The following LAPTM4B variants were observed in gnomAD, a reference collection of about 807,000 sequenced individuals.
LAPTM4B encodes the protein lysosomal protein transmembrane 4 beta, also known as lysosomal-associated transmembrane protein 4B.
LAPTM4B carries 26 observed loss-of-function variants against 28.5 expected under a neutral mutation model. The ratio of observed to expected loss-of-function variants is 0.91; its 90% CI spans 0.67 to 1.27. The LOEUF is 1.27. Ranked by LOEUF, LAPTM4B falls within the 50% of genes most tolerant of loss-of-function variation. The pLI is 0.00. For missense variants in LAPTM4B, 288 were observed against 285.8 expected (o/e 1.01, Z -0.06); for synonymous variants, 109 against 106.4 (o/e 1.02, Z -0.15).
intron 5 of LAPTM4B, among the ~76,000 whole-genome samples, chr8:97,823,479 AT>A (rs1207315671): frequency 6.6e-6 from 1 of 150,512 alleles, no homozygotes; most frequent in East Asian, 2.0e-4. Flanking sequence ...GGTTCACTTG[AT>A]TCTCCTGCCT....
At chr8:97,828,178 T>C (rs568506675) in intron 6 of LAPTM4B, among the ~76,000 whole-genome samples, 1 of 152,222 alleles carries the variant, frequency 6.6e-6, no homozygotes, top group Admixed American at 6.5e-5. Context: ...TAGTGAAGTA[T>C]GGAGAAAATT....
chr8:97,823,045 G>A (rs150331757), intron 5 of LAPTM4B, among the ~76,000 whole-genome samples: 2,491 of 152,082 alleles, frequency 0.016, 35 homozygotes, highest in Non-Finnish European at 0.026. Flanking sequence ...GTTTCATCGC[G>A]TTAGCCAGGG....
chr8:97,825,396 A>G (rs150653297), intron 6 of LAPTM4B, among the ~76,000 whole-genome samples: 156 of 152,350 alleles, frequency 1.0e-3, no homozygotes, highest in African/African-American at 3.1e-3. Flanking sequence ...TTTAAAATGT[A>G]TTACAGATAG....
intron 2 of LAPTM4B, among the ~76,000 whole-genome samples, chr8:97,813,246 G>A (rs1373476152): frequency 1.3e-5 from 2 of 152,250 alleles, no homozygotes; most frequent in African/African-American, 4.8e-5. Context: ...GCCAAAGGCC[G>A]GAGAGCCCCT....
intron 6 of LAPTM4B, among the ~76,000 whole-genome samples, chr8:97,842,254 A>T (rs1161414133): frequency 6.6e-6 from 1 of 152,078 alleles, no homozygotes; most frequent in Non-Finnish European, 1.5e-5. Flanking sequence ...TTTTCCTTCA[A>T]CCATGAAATG....
intron 6 of LAPTM4B, among the ~76,000 whole-genome samples, chr8:97,842,966 C>T (rs577406625): frequency 6.6e-6 from 1 of 151,648 alleles, no homozygotes; most frequent in Non-Finnish European, 1.5e-5. Flanking sequence ...GCAACCTCCA[C>T]CTCCTGGGTT....
rs554058157 is a variant in LAPTM4B at position 97,834,144 on chromosome 8, G to GA, written c.603+9005dup. ...ACATAGTGAGACCCCTGTCTCTACA[G>GA]AAAAAAAAAAAAAATCCAGGTGGCA... On this transcript the variant is annotated intron_variant, in intron 6 of 6. Transcript: ENST00000521545. Among the ~76,000 whole-genome samples the GA allele has an allele frequency of 9.8e-3, 738 of 75,256 alleles. 65 individuals carry two copies. The highest frequency in any genetic ancestry group is 0.022 in the African/African-American group (520 of 23,746). The allele number at this position is 75,256 out of a possible 152,430, so 49.4% of individuals were successfully genotyped here.
intron 6 of LAPTM4B, among the ~76,000 whole-genome samples, chr8:97,849,810 C>CCCTGCCCG (rs376821609): frequency 1.3e-5 from 2 of 151,934 alleles, no homozygotes; most frequent in Non-Finnish European, 2.9e-5. Flanking sequence ...TCCTCCACCC[C>CCCTGCCCG]CCTGCCCGCC....
intron 5 of LAPTM4B, among the ~76,000 whole-genome samples, chr8:97,821,566 T>G (rs1817003803): frequency 7.9e-6 from 1 of 127,262 alleles, no homozygotes; most frequent in Admixed American, 7.1e-5. Flanking sequence ...GGTGAGGACG[T>G]GAGGATAGAA....
At chr8:97,840,804 G>A (rs1817335697) in intron 6 of LAPTM4B, among the ~76,000 whole-genome samples, 1 of 143,608 alleles carries the variant, frequency 7.0e-6, no homozygotes, top group South Asian at 2.1e-4. Flanking sequence ...GGGCGGCCGG[G>A]CAGAGGCGCT....
chr8:97,831,444 G>T (rs144340397), intron 6 of LAPTM4B, among the ~76,000 whole-genome samples: 2 of 152,280 alleles, frequency 1.3e-5, no homozygotes, highest in East Asian at 3.9e-4. Flanking sequence ...GGAAAGGGAG[G>T]GGATTTTAGG....
chr8:97,808,414 C>T (rs1033261644), intron 2 of LAPTM4B, among the ~76,000 whole-genome samples: 29 of 151,830 alleles, frequency 1.9e-4, no homozygotes, highest in African/African-American at 6.5e-4. Context: ...CGCCATTGCA[C>T]TCTAGCCTGG....
intron 1 of LAPTM4B, among the ~76,000 whole-genome samples, chr8:97,802,576 C>T (rs7815706): frequency 0.44 from 67,472 of 151,862 alleles, 15,473 homozygotes; most frequent in East Asian, 0.57. Flanking sequence ...ATGGTCTTTG[C>T]GACCTGTACC....
intron 6 of LAPTM4B, among the ~76,000 whole-genome samples, chr8:97,829,601 G>A (rs28861168): frequency 0.12 from 18,188 of 152,114 alleles, 2,316 homozygotes; most frequent in African/African-American, 0.32. Flanking sequence ...AATTGATGTA[G>A]GGAGATAGAC....
intron 1 of LAPTM4B, among the ~76,000 whole-genome samples, chr8:97,791,306 T>C (rs892388825): frequency 1.3e-5 from 2 of 152,198 alleles, no homozygotes; most frequent in Admixed American, 1.3e-4. Context: ...AAATGTTCTT[T>C]AAGACATGAA....
At chr8:97,801,978 A>C (rs114018274) in intron 1 of LAPTM4B, among the ~76,000 whole-genome samples, 2,370 of 152,292 alleles carry the variant, frequency 0.016, 75 homozygotes, top group African/African-American at 0.053. Flanking sequence ...TTGGAGTTGT[A>C]ACAGAAAGTT....
chr8:97,816,807 G>A (rs1003713192), intron 4 of LAPTM4B, among the ~76,000 whole-genome samples: 2 of 152,156 alleles, frequency 1.3e-5, no homozygotes, highest in African/African-American at 4.8e-5. Context: ...GGGAGAGGTG[G>A]CACACGCCTG....
intron 6 of LAPTM4B, among the ~76,000 whole-genome samples, chr8:97,843,926 C>G (rs1817390817): frequency 6.6e-6 from 1 of 152,028 alleles, no homozygotes; most frequent in Non-Finnish European, 1.5e-5. Flanking sequence ...CTATAAATTC[C>G]TATTTTAGTT....
intron 6 of LAPTM4B, among the ~76,000 whole-genome samples, chr8:97,834,300 TA>T (rs1244341097): frequency 6.6e-6 from 1 of 152,150 alleles, no homozygotes; most frequent in South Asian, 2.1e-4. Context: ...CAAGACTCTT[TA>T]AAAAATAAAA....
Sources: allele counts gnomAD v4.1 joint callset (sites outside exome capture counted in the v4.1 genomes callset), GRCh38; gene constraint gnomAD v4.1.1; transcripts MANE v1.5; gene names NCBI Gene and HGNC (gene_info 2026-07-23, HGNC 2026-07-21).